CLPSL1: variants seen among roughly 807,000 people sequenced by gnomAD.
CLPSL1 encodes the protein colipase like 1, also known as colipase-like protein 1.
In CLPSL1, 13 loss-of-function variants were observed where a neutral mutation model predicts 9.3. The ratio of observed to expected loss-of-function variants is 1.40; its 90% confidence interval spans 0.91 to 2.22. CLPSL1 has a LOEUF of 2.22. CLPSL1 is among the 30% of genes most tolerant of loss of function. The pLI, the probability that CLPSL1 is intolerant of heterozygous loss-of-function variation, is 0.00. For missense variants in CLPSL1, 164 were observed against 146.6 expected (o/e 1.12, Z -0.61); for synonymous variants, 58 against 56.9 (o/e 1.02, Z -0.08).
chr6:35,786,955 A>C, intron 1 of CLPSL1, 43 bp from the exon 2 acceptor site: 1 of 1,549,344 alleles, frequency 6.5e-7, no homozygotes, highest in Non-Finnish European at 8.7e-7. Context: ...CGAGGGCGGA[A>C]GGCGGGCGGT....
Position 35,781,098 on chromosome 6 carries a change from C to G in CLPSL1, c.-13C>G. The G allele has an allele frequency of 6.2e-7, 1 of 1,613,448 alleles. No individual in the cohort carries two copies. Among genetic ancestry groups the G allele is most frequent in the East Asian group, 2.2e-5 (1 of 44,874 alleles). The stretch of plus-strand genomic sequence containing the variant: ...TCGCTGGACCCTAGAAAAGCCACCA[C>G]GACCTGTGGGCCATGATGCTACCCC... On this transcript the variant is annotated 5_prime_UTR_variant, in exon 1 of 3. Coordinates refer to ENST00000373861, the MANE Select transcript of CLPSL1 (RefSeq NM_001010886.5).
At chr6:35,784,863 T>C (rs61041019) in intron 1 of CLPSL1, among the ~76,000 whole-genome samples, 6,584 of 152,194 alleles carry the variant, frequency 0.043, 409 homozygotes, top group African/African-American at 0.14. Flanking sequence ...CTGAGGCAGG[T>C]TTCAGAGCAG....
intron 1 of CLPSL1, among the ~76,000 whole-genome samples, chr6:35,784,759 A>C (rs1447901530): frequency 6.6e-6 from 1 of 152,200 alleles, no homozygotes; most frequent in Non-Finnish European, 1.5e-5. Flanking sequence ...TATCTGAGTT[A>C]TTGGCAATGA....
chr6:35,785,486 G>A (rs1003955465), intron 1 of CLPSL1, among the ~76,000 whole-genome samples: 1 of 151,590 alleles, frequency 6.6e-6, no homozygotes, highest in Non-Finnish European at 1.5e-5. Context: ...CCTGTCCCCG[G>A]AAATTCATAC....
At chr6:35,784,639 G>A (rs1030914210) in intron 1 of CLPSL1, among the ~76,000 whole-genome samples, 6 of 152,132 alleles carry the variant, frequency 3.9e-5, no homozygotes, top group African/African-American at 9.7e-5. Flanking sequence ...GTGGTTCATG[G>A]CTGTAATCCC....
At chr6:35,791,589 C>G (rs1304411637), downstream of CLPSL1, among the ~76,000 whole-genome samples, 3 of 150,116 alleles carry the variant, frequency 2.0e-5, no homozygotes, top group African/African-American at 7.4e-5. Flanking sequence ...GCCTGGGTGA[C>G]AGAGTTAGAC....
At position 35,787,024 on chromosome 6, in the gene CLPSL1, C is replaced by A; in HGVS notation, c.126C>A (p.Asn42Lys). ...AGCTCAAGGAGTCTTGCATCCGGAA[C>A]CAGGACTGCGAGACTGGCTGCTGCC... ...LLELKESCIRNQDCETGCCQR... is the reference protein window; with the variant it reads ...LLELKESCIRKQDCETGCCQR... Residue 42 changes from asparagine (N) to lysine (K), a missense_variant, in exon 2 of 3, where the codon AAC becomes AAA. By Grantham distance (94) the Asn-to-Lys change is moderately conservative. Coordinates refer to ENST00000373861, the MANE Select transcript of CLPSL1 (RefSeq NM_001010886.5). 6.3e-7 allele frequency: 1 copy of A among 1,590,094 alleles called. No homozygotes were observed. The highest frequency in any genetic ancestry group is 8.5e-7 in the Non-Finnish European group (1 of 1,170,234).
chr6:35,788,178 GT>G, downstream of CLPSL1: 1 of 595,128 alleles, frequency 1.7e-6, no homozygotes, highest in East Asian at 4.0e-5. Context: ...TGGGGCCTGG[GT>G]GGGCTGGGCT....
intron 1 of CLPSL1, among the ~76,000 whole-genome samples, chr6:35,786,571 C>T (rs952678138): frequency 1.3e-5 from 2 of 152,184 alleles, no homozygotes; most frequent in Non-Finnish European, 2.9e-5. Flanking sequence ...AATTACTGTC[C>T]TAAGCCCCAG....
At chr6:35,789,368 G>T (rs1581955927), downstream of CLPSL1, among the ~76,000 whole-genome samples, 1 of 152,272 alleles carries the variant, frequency 6.6e-6, no homozygotes, top group African/African-American at 2.4e-5. Flanking sequence ...AATAAATGGT[G>T]TTGGGAAAAC....
At chr6:35,790,292 A>T (rs1460266162), downstream of CLPSL1, among the ~76,000 whole-genome samples, 1 of 152,272 alleles carries the variant, frequency 6.6e-6, no homozygotes. Context: ...ATGCTTTAAA[A>T]CAAAGTTGTT....
downstream of CLPSL1, among the ~76,000 whole-genome samples, chr6:35,792,098 A>AAAATAACT (rs1554145281): frequency 2.7e-5 from 4 of 149,710 alleles, no homozygotes; most frequent in South Asian, 6.4e-4. Flanking sequence ...CCCCGCCACA[A>AAAATAACT]AAATAAATAA....
chr6:35,787,802 G>A (rs558440227), intron 2 of CLPSL1, 65 bp from the exon 3 acceptor site: 3 of 1,518,976 alleles, frequency 2.0e-6, no homozygotes, highest in Middle Eastern at 1.7e-4. Context: ...GCTGGGCTGG[G>A]CTGGGCTTAG....
chr6:35,783,111 T>C (rs1487995359), intron 1 of CLPSL1, among the ~76,000 whole-genome samples: 1 of 152,112 alleles, frequency 6.6e-6, no homozygotes, highest in Non-Finnish European at 1.5e-5. Flanking sequence ...AAAGCCTCAC[T>C]CTTACTCTCC....
At chr6:35,791,470 G>A (rs1032973235), downstream of CLPSL1, among the ~76,000 whole-genome samples, 2 of 151,890 alleles carry the variant, frequency 1.3e-5, no homozygotes, top group Non-Finnish European at 2.9e-5. Context: ...TTAGCTGGGC[G>A]TGGAGGGCAC....
chr6:35,789,417 T>C (rs1768147735), downstream of CLPSL1, among the ~76,000 whole-genome samples: 3 of 152,360 alleles, frequency 2.0e-5, no homozygotes, highest in African/African-American at 2.4e-5. Context: ...TGGACCCTTA[T>C]AGCACACACA....
At chr6:35,788,532 G>C (rs11754616), downstream of CLPSL1, among the ~76,000 whole-genome samples, 21,375 of 148,174 alleles carry the variant, frequency 0.14, 31 homozygotes, top group Non-Finnish European at 0.2. Context: ...TTATGCACAT[G>C]ATCTCATTTA....
chr6:35,791,610 A>G (rs558233367), downstream of CLPSL1, among the ~76,000 whole-genome samples: 949 of 53,282 alleles, frequency 0.018, 8 homozygotes, highest in African/African-American at 0.068. Flanking sequence ...TCTGTCTCCA[A>G]AAAAAAAAAA....
At chr6:35,785,459 G>A (rs1048546512) in intron 1 of CLPSL1, among the ~76,000 whole-genome samples, 1 of 152,108 alleles carries the variant, frequency 6.6e-6, no homozygotes, top group African/African-American at 2.4e-5. Context: ...TTACAGGCGT[G>A]AGCCACCATG....
Sources: gnomAD v4.1 joint callset for allele counts (sites outside exome capture counted in the v4.1 genomes callset) on GRCh38, gnomAD v4.1.1 for gene constraint, MANE v1.5 for transcripts, NCBI Gene and HGNC (gene_info 2026-07-23, HGNC 2026-07-21) for gene names.